CLASP1: variants seen among roughly 807,000 people sequenced by gnomAD.
The protein encoded by CLASP1 is CLIP-associating protein 1.
A neutral mutation model predicts 192.3 loss-of-function variants in CLASP1; 38 were observed. That is an observed-to-expected ratio of 0.20 (90% CI 0.15 to 0.26). CLASP1 has a LOEUF of 0.26. CLASP1 is among the 10% of genes least tolerant of loss of function. The pLI, the probability that CLASP1 is intolerant of heterozygous loss-of-function variation, is 1.00. For synonymous variants in CLASP1, 691 were observed against 712.8 expected (o/e 0.97, Z 0.49); for missense variants, 1,433 against 1,932.5 (o/e 0.74, Z 4.85).
rs193138257 is a variant in CLASP1 at position 121,505,821 on chromosome 2, A to G, written c.645-2587T>C. Among the ~76,000 whole-genome samples, 105 of 152,246 alleles carry G rather than the reference A, an allele frequency of 6.9e-4. 1 individual carries two copies. The highest frequency in any genetic ancestry group is 3.4e-3 in the Middle Eastern group (1 of 294). On this transcript the variant is annotated intron_variant, in intron 7 of 39. Coordinates refer to ENST00000263710, the Ensembl canonical transcript of CLASP1. ...CAATCCAATTAGAATTTATTTTACT[A>G]TAAGATTTAGTTCAAATTAGTTCCT... is the stretch of plus-strand genomic sequence containing the variant.
chr2:121,506,432 C>T (rs547839036), intron 7 of CLASP1, among the ~76,000 whole-genome samples: 1 of 151,540 alleles, frequency 6.6e-6, no homozygotes, highest in East Asian at 1.9e-4. Flanking sequence ...AACTGTTCAA[C>T]ATGGCGGATA....
At chr2:121,619,747 A>T (rs2067016136) in intron 1 of CLASP1, among the ~76,000 whole-genome samples, 1 of 152,146 alleles carries the variant, frequency 6.6e-6, no homozygotes, top group African/African-American at 2.4e-5. Flanking sequence ...CATAGTTTTC[A>T]TTCTATTTTT....
intron 36 of CLASP1, chr2:121,364,098 A>G (rs902480087): frequency 6.6e-6 from 1 of 152,244 alleles, no homozygotes; most frequent in African/African-American, 2.4e-5. Context: ...TTAAAAAAGT[A>G]AAACAGATTA....
rs77707009 is a variant in CLASP1 at position 121,585,477 on chromosome 2, T to C, written c.195+20224A>G. Among the ~76,000 whole-genome samples the C allele has an allele frequency of 6.3e-3, 961 of 152,306 alleles. 15 individuals are homozygous for C. Among genetic ancestry groups the C allele is most frequent in the African/African-American group, 0.022 (929 of 41,578 alleles). On this transcript the variant is annotated intron_variant, in intron 2 of 39. Coordinates refer to ENST00000263710, the Ensembl canonical transcript of CLASP1. The stretch of plus-strand genomic sequence containing the variant: ...AGAGACTAAGTATACTTGCTCTCCT[T>C]TGCCAGCGTTCCCATTTCTAGGACC...
In CLASP1 at chr2:121,401,683, A is replaced by G. The variant is rs2076167935; in HGVS notation, c.2737-11T>C. On this transcript the variant is annotated splice_polypyrimidine_tract_variant and intron_variant, in intron 27 of 39. Transcript: ENST00000263710. Reference sequence around the variant, plus strand: ...AAACATACTGAAAACCTAGACACAAATGAAAACCAAGTAGTTCACATATTG... The same window carrying G: ...AAACATACTGAAAACCTAGACACAAGTGAAAACCAAGTAGTTCACATATTG... 1 of 1,603,642 alleles carries G rather than the reference A, an allele frequency of 6.2e-7. No homozygotes were observed. The highest frequency in any genetic ancestry group is 8.5e-7 in the Non-Finnish European group (1 of 1,174,608).
intron 30 of CLASP1, among the ~76,000 whole-genome samples, chr2:121,396,496 A>T (rs2075303487): frequency 6.6e-6 from 1 of 152,214 alleles, no homozygotes; most frequent in Admixed American, 6.5e-5. Flanking sequence ...TAATGTTCTG[A>T]TTAGAATAAT....
chr2:121,568,949 T>C (rs1271688487), intron 2 of CLASP1, among the ~76,000 whole-genome samples: 1 of 152,100 alleles, frequency 6.6e-6, no homozygotes, highest in Non-Finnish European at 1.5e-5. Context: ...TGAGCTGGTG[T>C]CATATATCTG....
At chr2:121,472,604 G>C (rs367745872) in intron 8 of CLASP1, among the ~76,000 whole-genome samples, 1 of 152,214 alleles carries the variant, frequency 6.6e-6, no homozygotes, top group South Asian at 2.1e-4. Flanking sequence ...AAAGAACAGA[G>C]TTCAGAGAAG....
At chr2:121,587,450 C>G (rs532688302) in intron 2 of CLASP1, among the ~76,000 whole-genome samples, 9 of 152,134 alleles carry the variant, frequency 5.9e-5, no homozygotes, top group Admixed American at 6.5e-5. Flanking sequence ...CTCCCCTTCC[C>G]TTCTCATTTT....
chr2:121,495,658 T>C (rs1007278231), intron 8 of CLASP1, among the ~76,000 whole-genome samples: 3 of 152,070 alleles, frequency 2.0e-5, no homozygotes, highest in Admixed American at 6.6e-5. Context: ...CAAAACTCCA[T>C]CTCAAAAAAA....
chr2:121,367,700 C>T, exon 35 of CLASP1: 1 of 1,613,976 alleles, frequency 6.2e-7, no homozygotes, highest in Non-Finnish European at 8.5e-7. Context: ...GCGCCCGCGG[C>T]CCCGGGAAGG....
At chr2:121,377,766 G>C in intron 33 of CLASP1, 117 bp from the exon 35 acceptor site, 2 of 698,140 alleles carry the variant, frequency 2.9e-6, no homozygotes, top group South Asian at 5.3e-5. Context: ...TTTGTTTATT[G>C]GGTGATTTGG....
intron 1 of CLASP1, among the ~76,000 whole-genome samples, chr2:121,624,327 T>C (rs2067908667): frequency 6.6e-6 from 1 of 152,170 alleles, no homozygotes; most frequent in South Asian, 2.1e-4. Context: ...TAGCTTATGA[T>C]ATATTCTTTG....
At chr2:121,618,757 G>A (rs1012316170) in intron 1 of CLASP1, among the ~76,000 whole-genome samples, 5 of 139,104 alleles carry the variant, frequency 3.6e-5, no homozygotes, top group African/African-American at 1.6e-4. Context: ...TTCTACTAGA[G>A]TTCTCTAGCT....
chr2:121,357,254 T>C (rs984471725), intron 37 of CLASP1, among the ~76,000 whole-genome samples: 1 of 152,258 alleles, frequency 6.6e-6, no homozygotes, highest in Non-Finnish European at 1.5e-5. Context: ...CTGCTTTATG[T>C]AGAATTTTAA....
At chr2:121,564,106 A>C (rs2059316573) in intron 2 of CLASP1, among the ~76,000 whole-genome samples, 1 of 152,236 alleles carries the variant, frequency 6.6e-6, no homozygotes, top group African/African-American at 2.4e-5. Context: ...TCCCACTTGC[A>C]ATGTGTGGGA....
intron 1 of CLASP1, among the ~76,000 whole-genome samples, chr2:121,624,537 C>G (rs1339614384): frequency 2.0e-5 from 3 of 152,176 alleles, no homozygotes; most frequent in African/African-American, 7.2e-5. Flanking sequence ...CTGCCTCAGC[C>G]TCCCAAGTAG....
chr2:121,506,047 T>C (rs2093939014), intron 7 of CLASP1, among the ~76,000 whole-genome samples: 1 of 152,182 alleles, frequency 6.6e-6, no homozygotes, highest in African/African-American at 2.4e-5. Flanking sequence ...TTTTTAAAAA[T>C]GTCATTAGTG....
chr2:121,399,076 A>C (rs1300809592), intron 28 of CLASP1, among the ~76,000 whole-genome samples: 2 of 152,232 alleles, frequency 1.3e-5, no homozygotes, highest in Non-Finnish European at 2.9e-5. Context: ...ATTAACAGGA[A>C]AGATAAATGC....
Sources: allele counts gnomAD v4.1 joint callset (sites outside exome capture counted in the v4.1 genomes callset), GRCh38; gene constraint gnomAD v4.1.1; transcripts MANE v1.5; gene names NCBI Gene and HGNC (gene_info 2026-07-23, HGNC 2026-07-21).